The following MDGA2 variants were observed in gnomAD, a reference collection of about 807,000 sequenced individuals.
MDGA2 encodes the protein MAM domain-containing glycosylphosphatidylinositol anchor protein 2.
Under a neutral mutation model 117.8 loss-of-function variants are expected in MDGA2, and 40 were observed. The observed-to-expected ratio is 0.34, with a 90% CI of 0.26 to 0.44. The LOEUF is 0.44. MDGA2 is among the 20% of genes least tolerant of loss of function. The pLI is 1.00. For missense variants in MDGA2, 1,123 were observed against 1,250.6 expected, an observed-to-expected ratio of 0.90 and a Z score of 1.54; for synonymous variants, 452 against 439.0, an observed-to-expected ratio of 1.03 and a Z score of -0.37.
rs142485869 is a variant in MDGA2 at position 47,661,680 on chromosome 14, T to C, written c.280+12837A>G. Among the ~76,000 whole-genome samples, 43 of 152,162 alleles carry C rather than the reference T, an allele frequency of 2.8e-4. No individual in the cohort carries two copies. In the Middle Eastern group the frequency reaches 0.01, roughly 37 times the overall value. Reference sequence around the variant, plus strand: ...GCAGGTGGAATAAACTGCACATGCATTGCTGTTAGGCAGCTAAGAAATATT... The same window carrying C: ...GCAGGTGGAATAAACTGCACATGCACTGCTGTTAGGCAGCTAAGAAATATT... On this transcript the variant is annotated intron_variant, in intron 1 of 16. Transcript: ENST00000399232.
chr14:47,447,175 C>G (rs1470274484), intron 1 of MDGA2, among the ~76,000 whole-genome samples: 1 of 152,082 alleles, frequency 6.6e-6, no homozygotes, highest in African/African-American at 2.4e-5. Context: ...ACTGTTTAGT[C>G]CAGGGAGCTA....
chr14:47,618,268 T>C (rs1896983607), intron 1 of MDGA2, among the ~76,000 whole-genome samples: 1 of 152,240 alleles, frequency 6.6e-6, no homozygotes, highest in Non-Finnish European at 1.5e-5. Flanking sequence ...TGAGGACCTA[T>C]CTTGGTGCAC....
intron 3 of MDGA2, among the ~76,000 whole-genome samples, chr14:47,211,063 G>A (rs1216022159): frequency 6.6e-6 from 1 of 152,030 alleles, no homozygotes; most frequent in Non-Finnish European, 1.5e-5. Flanking sequence ...TCATTCATAT[G>A]GTAAAAACAT....
chr14:47,360,388 A>AATAT (rs1891093644), intron 1 of MDGA2, among the ~76,000 whole-genome samples: 2 of 148,664 alleles, frequency 1.3e-5, no homozygotes, highest in Middle Eastern at 3.5e-3. Context: ...TAAATAAATA[A>AATAT]ATAAAATAAA....
At chr14:47,190,214 G>C (rs1885059582) in intron 3 of MDGA2, among the ~76,000 whole-genome samples, 1 of 152,172 alleles carries the variant, frequency 6.6e-6, no homozygotes, top group South Asian at 2.1e-4. Flanking sequence ...GCTGATTTAA[G>C]AGTTGGAACC....
intron 6 of MDGA2, among the ~76,000 whole-genome samples, chr14:47,065,513 A>G (rs1187339826): frequency 6.6e-6 from 1 of 152,192 alleles, no homozygotes; most frequent in Non-Finnish European, 1.5e-5. Flanking sequence ...GAAAGAGGGA[A>G]CATTGCCTTC....
At chr14:47,236,597 G>A (rs1886873360) in intron 2 of MDGA2, among the ~76,000 whole-genome samples, 1 of 152,110 alleles carries the variant, frequency 6.6e-6, no homozygotes, top group Admixed American at 6.5e-5. Context: ...CTAGTTTCTG[G>A]GCAAAGATAG....
At chr14:46,961,134 G>A (rs760790469) in intron 8 of MDGA2, among the ~76,000 whole-genome samples, 7 of 151,802 alleles carry the variant, frequency 4.6e-5, no homozygotes, top group African/African-American at 7.3e-5. Flanking sequence ...AGCCACTTTC[G>A]AAATACCTTT....
At chr14:47,155,817 G>C (rs981583800) in intron 3 of MDGA2, among the ~76,000 whole-genome samples, 20 of 150,246 alleles carry the variant, frequency 1.3e-4, no homozygotes, top group African/African-American at 4.6e-4. Context: ...CTGGCAAAGC[G>C]ACACCCCAAG....
chr14:47,498,057 T>C (rs1894318950), intron 1 of MDGA2, among the ~76,000 whole-genome samples: 1 of 152,170 alleles, frequency 6.6e-6, no homozygotes, highest in Admixed American at 6.5e-5. Flanking sequence ...TAAGTAAGGA[T>C]TAGGTATAAT....
chr14:47,364,133 A>T (rs958351154), intron 1 of MDGA2, among the ~76,000 whole-genome samples: 3 of 152,230 alleles, frequency 2.0e-5, no homozygotes, highest in African/African-American at 7.2e-5. Flanking sequence ...ATTTCAGGTA[A>T]TCATTTCAGT....
In MDGA2 at chr14:47,470,810, G is replaced by A. The variant is rs143449675; in HGVS notation, c.281-169260C>T. ...TTAAGAATGAAAAATTATCCCAGGA[G>A]TAGCTATTTCCAGTGGCCAAATTGT... On this transcript the variant is annotated intron_variant, in intron 1 of 16. Transcript: ENST00000399232. 2.8e-3 allele frequency among the ~76,000 whole-genome samples: 425 copies of A among 152,266 alleles called. 1 individual carries two copies. Among genetic ancestry groups the A allele is most frequent in the African/African-American group, 9.7e-3 (403 of 41,558 alleles).
At chr14:47,349,957 C>T (rs920096330) in intron 1 of MDGA2, among the ~76,000 whole-genome samples, 1 of 152,224 alleles carries the variant, frequency 6.6e-6, no homozygotes, top group Non-Finnish European at 1.5e-5. Flanking sequence ...ACATCAGATA[C>T]ATCCATTTCT....
intron 5 of MDGA2, among the ~76,000 whole-genome samples, chr14:47,126,771 C>T (rs1055540211): frequency 6.6e-6 from 1 of 152,106 alleles, no homozygotes; most frequent in African/African-American, 2.4e-5. Flanking sequence ...AGGCCATCTG[C>T]CAGGAAGTCT....
chr14:47,653,813 T>C (rs1053524316), intron 1 of MDGA2, among the ~76,000 whole-genome samples: 4 of 152,072 alleles, frequency 2.6e-5, no homozygotes, highest in Admixed American at 6.5e-5. Context: ...AGAGATGTGA[T>C]GTTGTTAGCT....
intron 7 of MDGA2, among the ~76,000 whole-genome samples, chr14:47,042,027 C>T (rs981435379): frequency 6.6e-6 from 1 of 152,116 alleles, no homozygotes; most frequent in Non-Finnish European, 1.5e-5. Context: ...CAATCAGACT[C>T]ATATTTCCAA....
chr14:47,245,406 T>C (rs1887204875), intron 2 of MDGA2, among the ~76,000 whole-genome samples: 1 of 151,910 alleles, frequency 6.6e-6, no homozygotes, highest in South Asian at 2.1e-4. Context: ...TGGTCAACAG[T>C]AAGCTATTAG....
rs1566515963 is a variant in MDGA2, at chr14:47,561,159, T to TTTTTTTTG, written c.280+113357_280+113358insCAAAAAAA. Among the ~76,000 whole-genome samples, 9 of 66,544 alleles carry TTTTTTTTG rather than the reference T, an allele frequency of 1.4e-4. 1 individual carries two copies. Among genetic ancestry groups the TTTTTTTTG allele is most frequent in the East Asian group, 4.7e-3 (2 of 428 alleles). 43.7% of individuals were successfully genotyped at this position (66,544 alleles called of 152,430 possible). ...TATCTTTGTTTTTTTTTTTGTTTTGTTTTGTTTTTTTGTTTGTTTGTTTTT... is the reference window on the plus strand; with the variant it reads ...TATCTTTGTTTTTTTTTTTGTTTTGTTTTTTTTGTTTGTTTTTTTGTTTGTTTGTTTTT... On this transcript the variant is annotated intron_variant, in intron 1 of 16. Coordinates refer to ENST00000399232, the MANE Select transcript of MDGA2 (RefSeq NM_001113498.3).
At chr14:46,994,946 T>C (rs565662640) in intron 8 of MDGA2, among the ~76,000 whole-genome samples, 2 of 152,246 alleles carry the variant, frequency 1.3e-5, no homozygotes, top group East Asian at 3.9e-4. Flanking sequence ...CATTACTTTA[T>C]CCACAAGTAT....
Sources: allele counts gnomAD v4.1 joint callset (sites outside exome capture counted in the v4.1 genomes callset), GRCh38; gene constraint gnomAD v4.1.1; transcripts MANE v1.5; gene names NCBI Gene and HGNC (gene_info 2026-07-23, HGNC 2026-07-21).